PRDM2: variants seen among roughly 807,000 people sequenced by gnomAD.
PRDM2 encodes PR/SET domain 2.
In PRDM2, 30 loss-of-function variants were observed where a neutral mutation model predicts 130.0. That is an observed-to-expected ratio of 0.23 (90% CI 0.17 to 0.31). The LOEUF is 0.31. Among genes scored for constraint, PRDM2 ranks in the 10% least tolerant of loss-of-function variants. PRDM2 has a pLI of 1.00. For missense variants in PRDM2, 2,011 were observed against 2,108.4 expected, an observed-to-expected ratio of 0.95 and a Z score of 0.90; for synonymous variants, 871 against 782.4, an observed-to-expected ratio of 1.11 and a Z score of -1.89.
chr1:13,786,670 T>A (rs1644748020), intron 8 of PRDM2: 2 of 1,522,112 alleles, frequency 1.3e-6, no homozygotes, highest in Non-Finnish European at 1.8e-6. Flanking sequence ...AACATTCAGC[T>A]GATTGCCGGC....
At chr1:13,807,396 C>CT (rs1645102115) in intron 8 of PRDM2, among the ~76,000 whole-genome samples, 2 of 152,174 alleles carry the variant, frequency 1.3e-5, no homozygotes, top group Non-Finnish European at 2.9e-5. Context: ...GCCTCCAATG[C>CT]GCCCCCTCAT....
At chr1:13,797,808 C>G (rs1227775739) in intron 8 of PRDM2, among the ~76,000 whole-genome samples, 3 of 152,156 alleles carry the variant, frequency 2.0e-5, no homozygotes, top group African/African-American at 7.2e-5. Context: ...TCATTTTTAT[C>G]AGCTTGTCAC....
At position 13,779,774 on chromosome 1, in the gene PRDM2, T is replaced by C. The variant is rs773448608; in HGVS notation, c.1979T>C (p.Val660Ala). ...GCCGAAACAGACTCTGACCCCATGG[T>C]CCCCTCTTGCTCTTTAAGTCTTCCT... ...IKAETDSDPM[V>A]PSCSLSLPLS... Residue 660 changes from valine (V) to alanine (A), a missense_variant, in exon 8 of 10, where the codon GTC (valine) becomes GCC (alanine). Transcript: ENST00000311066. This position sits in a 1 kb window ranked among gnomAD's most constrained non-coding sequence, Gnocchi z 4.9. 1 of 1,614,172 alleles carries C rather than the reference T, an allele frequency of 6.2e-7. No homozygotes were observed. Among genetic ancestry groups the C allele is most frequent in the East Asian group, 2.2e-5 (1 of 44,878 alleles).
rs569713073 is a variant in PRDM2, at chr1:13,771,512, A to G, written c.512-1566A>G. Among the ~76,000 whole-genome samples the G allele has an allele frequency of 1.2e-3, 178 of 152,302 alleles. 3 individuals are homozygous for G. The South Asian group carries it at 0.036, about 31-fold the overall frequency. On this transcript the variant is annotated intron_variant, in intron 6 of 9. Transcript: ENST00000311066. This position sits in a 1 kb window ranked among gnomAD's most constrained non-coding sequence, Gnocchi z 4.1. ...TCTGGGAGGCCGAGGCAGGCGGATC[A>G]TGAGGTCAGGAGATCGAGACCATCC... is the stretch of plus-strand genomic sequence containing the variant.
At chr1:13,820,831 A>G (rs958965852) in intron 9 of PRDM2, among the ~76,000 whole-genome samples, 4 of 151,842 alleles carry the variant, frequency 2.6e-5, no homozygotes, top group Non-Finnish European at 4.4e-5. Flanking sequence ...CACGTGACCC[A>G]GGGGAGACCC....
At chr1:13,814,313 G>A (rs896818542) in intron 8 of PRDM2, among the ~76,000 whole-genome samples, 1 of 152,216 alleles carries the variant, frequency 6.6e-6, no homozygotes, top group African/African-American at 2.4e-5. Flanking sequence ...AGACTGAGCT[G>A]ACCGTGGGCC....
chr1:13,789,928 C>T (rs1218759430), intron 8 of PRDM2, among the ~76,000 whole-genome samples: 2 of 152,228 alleles, frequency 1.3e-5, no homozygotes, highest in Admixed American at 1.3e-4. Context: ...CCTGCAGCTG[C>T]CGCTTCAGGC....
chr1:13,813,825 G>T (rs1382113079), intron 8 of PRDM2, among the ~76,000 whole-genome samples: 2 of 152,226 alleles, frequency 1.3e-5, no homozygotes, highest in Non-Finnish European at 2.9e-5. Context: ...AGACGCTATG[G>T]TTGCTGCATC....
Position 13,713,391 on chromosome 1 carries a change from G to A in PRDM2, c.-65-2150G>A, listed in dbSNP as rs536665003. Among the ~76,000 whole-genome samples, 78 of 152,242 alleles carry A rather than the reference G, an allele frequency of 5.1e-4. No individual in the cohort carries two copies. In the South Asian group the frequency reaches 0.012, roughly 23 times the overall value. On this transcript the variant is annotated intron_variant, in intron 1 of 9. Transcript: ENST00000311066. Reference sequence around the variant, plus strand: ...AAACCAAAATTATGAGACCTTGACCGAATTATCTTAAGCTCTTGTTAATTG... The same window carrying A: ...AAACCAAAATTATGAGACCTTGACCAAATTATCTTAAGCTCTTGTTAATTG...
chr1:13,809,816 A>G (rs1007797553), intron 8 of PRDM2, among the ~76,000 whole-genome samples: 1 of 152,194 alleles, frequency 6.6e-6, no homozygotes, highest in Non-Finnish European at 1.5e-5. Flanking sequence ...GGGCTGCCAT[A>G]ACAGAATACC....
At chr1:13,817,769 G>A (rs1321242833) in intron 9 of PRDM2, among the ~76,000 whole-genome samples, 1 of 152,048 alleles carries the variant, frequency 6.6e-6, no homozygotes, top group African/African-American at 2.4e-5. Context: ...GGAGGCCGAG[G>A]CAGGTGGATC....
Position 13,747,091 on chromosome 1 carries a change from T to TA in PRDM2, c.385-2270_385-2269insA, listed in dbSNP as rs1643633953. On this transcript the variant is annotated intron_variant, in intron 5 of 9. Transcript: ENST00000311066. ...GTTAGCACTTCACTGACAACTGCAG[T>TA]GGAGTGAACAGGGAAACTTAAGCTC... Among the ~76,000 whole-genome samples the TA allele has an allele frequency of 3.3e-5, 5 of 152,200 alleles. No individual in the cohort carries two copies. The South Asian group carries it at 1.0e-3, about 31-fold the overall frequency.
intron 6 of PRDM2, chr1:13,770,294 T>C: frequency 2.1e-6 from 1 of 480,608 alleles, no homozygotes; most frequent in Non-Finnish European, 4.1e-6. Context: ...AACATTCTTT[T>C]AGGTAGGGAA....
chr1:13,812,376 G>A (rs893868251), intron 8 of PRDM2, among the ~76,000 whole-genome samples: 4 of 152,178 alleles, frequency 2.6e-5, no homozygotes, highest in Admixed American at 2.6e-4. Context: ...CTGCTCGATG[G>A]TGTGCCTGCT....
intron 5 of PRDM2, 111 bp from the exon 6 acceptor site, chr1:13,749,250 G>C (rs894330487): frequency 2.8e-6 from 3 of 1,056,338 alleles, no homozygotes; most frequent in Middle Eastern, 4.4e-4. Context: ...CGGCGCCGCC[G>C]ACAGCTGTTT....
chr1:13,790,663 C>T lies in PRDM2; in HGVS notation c.5036+7832C>T, dbSNP rs562235123. Among the ~76,000 whole-genome samples the T allele has an allele frequency of 3.9e-5, 6 of 152,272 alleles. No homozygotes were observed. In the East Asian group the frequency reaches 9.7e-4, roughly 25 times the overall value. On this transcript the variant is annotated intron_variant, in intron 8 of 9. Transcript: ENST00000311066. ...GTGACCGTTAAGATTTTAGACAGAA[C>T]ATCTAATGTCAAAATAGAAGTTGAA...
At chr1:13,770,411 A>G (rs1252152646) in intron 6 of PRDM2, 1 of 416,596 alleles carries the variant, frequency 2.4e-6, no homozygotes, top group East Asian at 8.5e-5. Flanking sequence ...ATAAATCTAG[A>G]CATTTTACTT....
chr1:13,808,224 G>A (rs937770179), intron 8 of PRDM2, among the ~76,000 whole-genome samples: 2 of 152,180 alleles, frequency 1.3e-5, no homozygotes, highest in Non-Finnish European at 2.9e-5. Context: ...GGGCGCGGTG[G>A]CTCACGCCTG....
Position 13,749,460 on chromosome 1 carries a change from A to G in PRDM2, c.484A>G (p.Lys162Glu). The change falls in exon 6 of 10, where the codon AAG (lysine) becomes GAG (glutamate). Residue 162 changes from lysine to glutamate, a missense_variant. Physicochemically the swap from Lys to Glu is moderately conservative, Grantham distance 56. Coordinates refer to ENST00000311066, the MANE Select transcript of PRDM2 (RefSeq NM_001393986.1). ...IEEERASARSKRSSPKSRKGK... is the reference protein window; with the variant it reads ...IEEERASARSERSSPKSRKGK... ...GGAAGAGCGAGCCAGCGCCCGGAGC[A>G]AGCGGAGCTCCCCCAAGAGCCGGAA... is the stretch of plus-strand genomic sequence containing the variant. The G allele has an allele frequency of 6.7e-7, 1 of 1,497,868 alleles. No individual in the cohort carries two copies. The highest frequency in any genetic ancestry group is 9.0e-7 in the Non-Finnish European group (1 of 1,110,518). 92.8% of individuals were successfully genotyped at this position (1,497,868 alleles called of 1,614,324 possible).
Sources: gnomAD v4.1 joint callset for allele counts (sites outside exome capture counted in the v4.1 genomes callset) on GRCh38, gnomAD v4.1.1 for gene constraint, Gnocchi (gnomAD v3.1) non-coding constraint, MANE v1.5 for transcripts, NCBI Gene and HGNC (gene_info 2026-07-23, HGNC 2026-07-21) for gene names.